Variants in PDCD10 observed in about 807,000 individuals in gnomAD.
PDCD10 encodes programmed cell death protein 10.
A neutral mutation model predicts 29.2 loss-of-function variants in PDCD10; 4 were observed. The ratio of observed to expected loss-of-function variants is 0.14; its 90% CI spans 0.07 to 0.31. PDCD10 has a LOEUF of 0.31. Among genes scored for constraint, PDCD10 ranks in the 10% least tolerant of loss-of-function variants. The pLI is 1.00. For missense variants in PDCD10, 183 were observed against 257.9 expected (o/e 0.71, Z 1.99); for synonymous variants, 70 against 82.2 (o/e 0.85, Z 0.80).
Position 167,697,084 on chromosome 3 carries a change from T to G in PDCD10, c.193A>C (p.Lys65Gln), listed in dbSNP as rs766570133. The change falls in exon 5 of 9, where the codon AAA becomes CAA. Residue 65 changes from lysine (K) to glutamine (Q), a missense_variant. By Grantham distance (53) the Lys-to-Gln change is moderately conservative. Coordinates refer to ENST00000392750, the MANE Select transcript of PDCD10 (RefSeq NM_007217.4). The stretch of plus-strand genomic sequence containing the variant: ...TCCACGCTTTTTTTCTCTAAAATTT[T>G]CATAATGATGTCTTGTGTGAGACCT... ...NPGLTQDIIM[K>Q]ILEKKSVEVN... The G allele has an allele frequency of 2.5e-6, 4 of 1,610,982 alleles. No homozygotes were observed. The African/African-American group carries it at 5.3e-5, about 22-fold the overall frequency.
At chr3:167,703,790 T>C (rs1299608084) in intron 4 of PDCD10, among the ~76,000 whole-genome samples, 1 of 152,160 alleles carries the variant, frequency 6.6e-6, no homozygotes, top group Non-Finnish European at 1.5e-5. Flanking sequence ...ATGAGCTACC[T>C]ATGTAATATT....
At chr3:167,731,030 T>C (rs1209196598) in intron 2 of PDCD10, 1 of 152,110 alleles carries the variant, frequency 6.6e-6, no homozygotes, top group Non-Finnish European at 1.5e-5. Context: ...GATTCTAGAA[T>C]ACGGAGATAG....
chr3:167,709,531 A>G (rs1411451190), intron 3 of PDCD10, among the ~76,000 whole-genome samples: 1 of 152,140 alleles, frequency 6.6e-6, no homozygotes, highest in African/African-American at 2.4e-5. Context: ...CCACCCACAA[A>G]AGGTAGCATT....
At chr3:167,712,404 A>G (rs914033874) in intron 3 of PDCD10, among the ~76,000 whole-genome samples, 3 of 152,086 alleles carry the variant, frequency 2.0e-5, no homozygotes, top group Admixed American at 2.0e-4. Context: ...TCAGTTTGAA[A>G]TAATAGGTAA....
intron 3 of PDCD10, among the ~76,000 whole-genome samples, chr3:167,719,711 T>C (rs997259304): frequency 2.0e-5 from 3 of 152,118 alleles, no homozygotes; most frequent in Admixed American, 1.3e-4. Context: ...AGGATATATG[T>C]CTCTTCTTAA....
Position 167,687,336 on chromosome 3 carries a change from T to C in PDCD10, c.475-20A>G. On this transcript the variant is annotated intron_variant, in intron 7 of 8. Coordinates refer to ENST00000392750, the MANE Select transcript of PDCD10 (RefSeq NM_007217.4). ...AAGTGCCTACAGTCACAAAATATAA[T>C]AAGAAATAAAGTACTAAATAAGAGA... is the stretch of plus-strand genomic sequence containing the variant. 1 of 1,383,376 alleles carries C rather than the reference T, an allele frequency of 7.2e-7. No individual in the cohort carries two copies. Among genetic ancestry groups the C allele is most frequent in the Non-Finnish European group, 1.0e-6 (1 of 971,066 alleles). 85.7% of individuals were successfully genotyped at this position (1,383,376 alleles called of 1,614,324 possible).
intron 6 of PDCD10, among the ~76,000 whole-genome samples, chr3:167,690,864 T>C (rs554307368): frequency 6.6e-6 from 1 of 152,364 alleles, no homozygotes; most frequent in Admixed American, 6.5e-5. Context: ...AAGCAACTTA[T>C]ATCCAAGGTT....
At chr3:167,724,004 C>T (rs1214560836) in intron 2 of PDCD10, among the ~76,000 whole-genome samples, 1 of 152,172 alleles carries the variant, frequency 6.6e-6, no homozygotes, top group East Asian at 1.9e-4. Context: ...CAGGTATTCG[C>T]CACTCCGCTG....
chr3:167,715,422 C>T (rs927836703), intron 3 of PDCD10, among the ~76,000 whole-genome samples: 5 of 151,708 alleles, frequency 3.3e-5, no homozygotes, highest in Non-Finnish European at 7.4e-5. Flanking sequence ...AATAGCACAT[C>T]AAGTTAAAAA....
intron 8 of PDCD10, among the ~76,000 whole-genome samples, chr3:167,686,849 G>C (rs1719675918): frequency 6.6e-6 from 1 of 152,060 alleles, no homozygotes; most frequent in African/African-American, 2.4e-5. Context: ...TATATGACAG[G>C]TAAAAATTAT....
intron 2 of PDCD10, among the ~76,000 whole-genome samples, chr3:167,725,768 TA>T (rs1724076562): frequency 2.6e-4 from 3 of 11,486 alleles, no homozygotes; most frequent in Non-Finnish European, 4.9e-4. Context: ...ATCGTTTATA[TA>T]TATATATATA....
intron 2 of PDCD10, among the ~76,000 whole-genome samples, chr3:167,727,115 G>T (rs1415520777): frequency 6.6e-6 from 1 of 152,160 alleles, no homozygotes; most frequent in Non-Finnish European, 1.5e-5. Flanking sequence ...CCAGAAGCAG[G>T]CTGGGTAGCA....
chr3:167,720,309 T>C (rs1443405522), intron 2 of PDCD10, 36 bp from the exon 3 acceptor site: 5 of 615,414 alleles, frequency 8.1e-6, no homozygotes, highest in African/African-American at 3.7e-5. Flanking sequence ...AGACTTACTA[T>C]ATTAAGGAGA....
intron 6 of PDCD10, among the ~76,000 whole-genome samples, chr3:167,689,787 C>A (rs937647199): frequency 6.6e-6 from 1 of 152,138 alleles, no homozygotes; most frequent in Non-Finnish European, 1.5e-5. Context: ...GCCATTTATT[C>A]CTAAGCCTCT....
chr3:167,688,751 T>C (rs1016050463), intron 6 of PDCD10, among the ~76,000 whole-genome samples: 2 of 152,196 alleles, frequency 1.3e-5, no homozygotes, highest in African/African-American at 4.8e-5. Context: ...GATGGAAATC[T>C]GCACCATCCT....
At chr3:167,725,969 C>T (rs1005085463) in intron 2 of PDCD10, among the ~76,000 whole-genome samples, 10 of 150,984 alleles carry the variant, frequency 6.6e-5, no homozygotes, top group Admixed American at 6.6e-4. Context: ...CCTTTGGTTT[C>T]TTCTTTAATA....
intron 6 of PDCD10, among the ~76,000 whole-genome samples, chr3:167,693,703 G>T (rs1257544856): frequency 1.3e-5 from 2 of 152,080 alleles, no homozygotes; most frequent in African/African-American, 4.8e-5. Context: ...AACACTTTGG[G>T]AGGCCAAGGC....
chr3:167,713,749 G>A (rs562377910), intron 3 of PDCD10, among the ~76,000 whole-genome samples: 1 of 152,006 alleles, frequency 6.6e-6, no homozygotes, highest in South Asian at 2.1e-4. Flanking sequence ...AAACTCAAAG[G>A]ATCATTAGTG....
At chr3:167,707,310 G>A (rs1427587245) in intron 3 of PDCD10, among the ~76,000 whole-genome samples, 4 of 152,250 alleles carry the variant, frequency 2.6e-5, no homozygotes, top group Non-Finnish European at 4.4e-5. Context: ...TTTCCACTTT[G>A]TTTTCAGTCT....
Sources: allele counts gnomAD v4.1 joint callset (sites outside exome capture counted in the v4.1 genomes callset), GRCh38; gene constraint gnomAD v4.1.1; transcripts MANE v1.5; gene names NCBI Gene and HGNC (gene_info 2026-07-23, HGNC 2026-07-21).